The following TRIM11 variants were observed in gnomAD, a reference collection of about 807,000 sequenced individuals.
TRIM11 encodes E3 ubiquitin-protein ligase TRIM11.
In TRIM11, 15 loss-of-function variants were observed where a neutral mutation model predicts 33.4. That is an observed-to-expected ratio of 0.45 (90% CI 0.30 to 0.69). The LOEUF is 0.69. Ranked by LOEUF, TRIM11 falls within the 30% of genes least tolerant of loss-of-function variation. TRIM11 has a pLI of 0.08. For missense variants in TRIM11, 499 were observed against 667.6 expected (o/e 0.75, Z 2.78); for synonymous variants, 281 against 302.6 (o/e 0.93, Z 0.74).
In TRIM11 at chr1:228,396,573, G is replaced by T; in HGVS notation, c.859+374C>A. On this transcript the variant is annotated intron_variant, in intron 5 of 5. Transcript: ENST00000284551. The stretch of plus-strand genomic sequence containing the variant: ...TGCTCACATCTGCAGAGGCGCTGAG[G>T]GAACAGAAGTATGGGCAGCCCCTGG... 4.6e-6 allele frequency: 3 copies of T among 649,336 alleles called. No homozygotes were observed. The South Asian group carries it at 5.3e-5, about 12-fold the overall frequency. 40.2% of individuals were successfully genotyped at this position (649,336 alleles called of 1,614,324 possible).
Position 228,401,183 on chromosome 1 carries a change from C to G in TRIM11, c.516G>C (p.Glu172Asp). ...CACCCAGCACGTTCTGCCGCTGGCTCTCCACCATCTTCTGTGGAGCCCAGG... is the reference window on the plus strand; with the variant it reads ...CACCCAGCACGTTCTGCCGCTGGCTGTCCACCATCTTCTGTGGAGCCCAGG... ...ETCVLWQKMV[E>D]SQRQNVLGEF... Residue 172 changes from glutamate (E) to aspartate (D), a missense_variant, in exon 3 of 6, where the codon GAG (glutamate) becomes GAC (aspartate). Glu to Asp is a conservative substitution (Grantham distance 45). Coordinates refer to ENST00000284551, the MANE Select transcript of TRIM11 (RefSeq NM_145214.3). The surrounding 1 kb of genome is among the most constrained non-coding windows in gnomAD (Gnocchi z 6.1). 6.2e-7 allele frequency: 1 copy of G among 1,613,004 alleles called. No individual in the cohort carries two copies. The highest frequency in any genetic ancestry group is 8.5e-7 in the Non-Finnish European group (1 of 1,179,650).
rs774112344 is a variant in TRIM11, at chr1:228,395,206, C to T, written c.906G>A (p.Leu302=). 2.7e-6 allele frequency: 4 copies of T among 1,495,288 alleles called. No individual in the cohort carries two copies. The highest frequency in any genetic ancestry group is 2.4e-5 in the Admixed American group (1 of 42,078). The allele number at this position is 1,495,288 out of a possible 1,614,324, so 92.6% of individuals were successfully genotyped here. Reference sequence around the variant, plus strand: ...GCTGCACGCTCCGCCTGTCTTCAGACAGGATCAGCTCAGGGTTGGCGGTGT... The same window carrying T: ...GCTGCACGCTCCGCCTGTCTTCAGATAGGATCAGCTCAGGGTTGGCGGTGT... ...DPDTANPELI[L]SEDRRSVQRG... is the part of the protein sequence containing the mutation. The change falls in exon 6 of 6, where the codon CTG becomes CTA. Residue 302 remains leucine (L), a synonymous_variant. Coordinates refer to ENST00000284551, the MANE Select transcript of TRIM11 (RefSeq NM_145214.3). The surrounding 1 kb of genome is among the most constrained non-coding windows in gnomAD (Gnocchi z 4.8).
rs200637450 is a variant in TRIM11, at chr1:228,395,077, C to T, written c.1035G>A (p.Glu345=). ...ERFTSGRHYW[E]VEVGDRTSWA... ...AGCTGGTGCGGTCCCCAACCTCCAC[C>T]TCCCAGTAGTGGCGGCCTGAGGTGA... The change falls in exon 6 of 6, where the codon GAG becomes GAA. Residue 345 remains glutamate, a synonymous_variant. Transcript: ENST00000284551. The surrounding 1 kb of genome is among the most constrained non-coding windows in gnomAD (Gnocchi z 4.8). 1.9e-4 allele frequency: 306 copies of T among 1,607,974 alleles called. No individual in the cohort carries two copies. The East Asian group carries it at 6.1e-3, about 32-fold the overall frequency.
chr1:228,396,841 A>T lies in TRIM11; in HGVS notation c.859+106T>A, dbSNP rs1314847852. 4 of 1,015,010 alleles carry T rather than the reference A, an allele frequency of 3.9e-6. No individual in the cohort carries two copies. The East Asian group carries it at 7.2e-5, about 18-fold the overall frequency. The allele number at this position is 1,015,010 out of a possible 1,614,324, so 62.9% of individuals were successfully genotyped here. ...AACAACCCACCACCATGACACTGTGAGTTTGGAGCTGGCAGTGGCAGGGCA... is the reference window on the plus strand; with the variant it reads ...AACAACCCACCACCATGACACTGTGTGTTTGGAGCTGGCAGTGGCAGGGCA... On this transcript the variant is annotated intron_variant, in intron 5 of 5. Coordinates refer to ENST00000284551, the MANE Select transcript of TRIM11 (RefSeq NM_145214.3).
In TRIM11 at chr1:228,394,903, G is replaced by A. The variant is rs756861890; in HGVS notation, c.1209C>T (p.Arg403=). Reference sequence around the variant, plus strand: ...CCTCGTAGTCCAGAAAGATCCCCACGCGCCTGGGTGGGTCCCGGAGTGGAG... The same window carrying A: ...CCTCGTAGTCCAGAAAGATCCCCACACGCCTGGGTGGGTCCCGGAGTGGAG... ...ALAPLRDPPR[R]VGIFLDYEAG... is the part of the protein sequence containing the mutation. The change falls in exon 6 of 6, where the codon CGC becomes CGT. Residue 403 remains arginine (R), a synonymous_variant. Transcript: ENST00000284551. The surrounding 1 kb of genome is among the most constrained non-coding windows in gnomAD (Gnocchi z 6.2). The A allele has an allele frequency of 7.4e-6, 12 of 1,614,170 alleles. No individual in the cohort carries two copies. The highest frequency in any genetic ancestry group is 1.0e-5 in the Non-Finnish European group (12 of 1,180,032).
Position 228,403,099 on chromosome 1 carries a change from A to G in TRIM11, c.409-938T>C, listed in dbSNP as rs953633949. The G allele has an allele frequency of 3.3e-5, 5 of 152,254 alleles. No homozygotes were observed. The highest frequency in any genetic ancestry group is 7.3e-5 in the Non-Finnish European group (5 of 68,082). The allele number at this position is 152,254 out of a possible 1,614,324, so 9.4% of individuals were successfully genotyped here. On this transcript the variant is annotated intron_variant, in intron 1 of 5. Coordinates refer to ENST00000284551, the MANE Select transcript of TRIM11 (RefSeq NM_145214.3). The surrounding 1 kb of genome is among the most constrained non-coding windows in gnomAD (Gnocchi z 4.8). ...ATTCCCACGGTTCCTCATGCTGTGC[A>G]TACCAGGAAGCAGTGAAAATCCTGT...
At chr1:228,397,293 C>T in intron 3 of TRIM11, 128 bp from the exon 4 acceptor site, 1 of 1,154,654 alleles carries the variant, frequency 8.7e-7, no homozygotes, top group Non-Finnish European at 1.2e-6. Context: ...AGCAAAAACA[C>T]ACACAGGGGG....
At chr1:228,397,343 T>A in intron 3 of TRIM11, 178 bp from the exon 4 acceptor site, 1 of 689,372 alleles carries the variant, frequency 1.5e-6, no homozygotes, top group Non-Finnish European at 2.5e-6. Flanking sequence ...ACAGGAATGC[T>A]GGACAGAGGC....
intron 1 of TRIM11, chr1:228,405,174 A>T (rs537231933): frequency 2.0e-5 from 3 of 152,270 alleles, no homozygotes; most frequent in Non-Finnish European, 4.4e-5. Flanking sequence ...AACCCAAATG[A>T]ATCTGTGTCT....
rs1656210452 is a variant in TRIM11, at chr1:228,401,224, G to A, written c.505-30C>T. On this transcript the variant is annotated intron_variant, in intron 2 of 5. Transcript: ENST00000284551. This position sits in a 1 kb window ranked among gnomAD's most constrained non-coding sequence, Gnocchi z 6.1. ...GGAGCCCAGGGAGAAGGACAGCTGAGGCCAGACCCCAGGCCCAGCCAGACC... is the reference window on the plus strand; with the variant it reads ...GGAGCCCAGGGAGAAGGACAGCTGAAGCCAGACCCCAGGCCCAGCCAGACC... 3 of 1,602,194 alleles carry A rather than the reference G, an allele frequency of 1.9e-6. No homozygotes were observed. Among genetic ancestry groups the A allele is most frequent in the East Asian group, 2.2e-5 (1 of 44,676 alleles).
In TRIM11 at chr1:228,401,271, GCCCACCCAGAGGCCTGGCTGCACCCAAC is replaced by G; in HGVS notation, c.505-105_505-78del. 11 of 1,523,044 alleles carry G rather than the reference GCCCACCCAGAGGCCTGGCTGCACCCAAC, an allele frequency of 7.2e-6. No individual in the cohort carries two copies. The South Asian group carries it at 1.3e-4, about 18-fold the overall frequency. 94.3% of individuals were successfully genotyped at this position (1,523,044 alleles called of 1,614,324 possible). On this transcript the variant is annotated intron_variant, in intron 2 of 5. Transcript: ENST00000284551. The surrounding 1 kb of genome is among the most constrained non-coding windows in gnomAD (Gnocchi z 6.1). ...GACCCCAAGTTTGGTCAGACCCCAA[GCCCACCCAGAGGCCTGGCTGCACCCAAC>G]CCCACCCCCGGGGCCTGCTAAAGCC...
Position 228,400,919 on chromosome 1 carries a change from G to T in TRIM11, c.735+45C>A, listed in dbSNP as rs1337976301. ...GGTTCTCCCTCCCCCAGTGTGGCCA[G>T]GCCATGCCCGTGTGGCCACCATGGC... On this transcript the variant is annotated intron_variant, in intron 3 of 5. Coordinates refer to ENST00000284551, the MANE Select transcript of TRIM11 (RefSeq NM_145214.3). The surrounding 1 kb of genome is among the most constrained non-coding windows in gnomAD (Gnocchi z 4.5). 20 of 1,488,996 alleles carry T rather than the reference G, an allele frequency of 1.3e-5. No individual in the cohort carries two copies. Among genetic ancestry groups the T allele is most frequent in the Non-Finnish European group, 1.7e-5 (19 of 1,121,882 alleles). The allele number at this position is 1,488,996 out of a possible 1,614,324, so 92.2% of individuals were successfully genotyped here. A position where few individuals can be genotyped will look rare whatever the true frequency, so the allele number is the denominator to read the frequency against.
chr1:228,406,111 C>T lies in TRIM11; in HGVS notation c.408+43G>A, dbSNP rs1558449799. ...CACCCGCCCAGGCCTCCCCAGTCCC[C>T]GGCTCCCCGACGCCCCTGCACGCCA... On this transcript the variant is annotated intron_variant, in intron 1 of 5. Coordinates refer to ENST00000284551, the MANE Select transcript of TRIM11 (RefSeq NM_145214.3). This position sits in a 1 kb window ranked among gnomAD's most constrained non-coding sequence, Gnocchi z 8.2. 5.2e-6 allele frequency: 7 copies of T among 1,342,704 alleles called. No homozygotes were observed. The highest frequency in any genetic ancestry group is 6.2e-5 in the East Asian group (2 of 32,426). 83.2% of individuals were successfully genotyped at this position (1,342,704 alleles called of 1,614,324 possible).
At chr1:228,399,793 G>T (rs1379525998) in intron 3 of TRIM11, among the ~76,000 whole-genome samples, 2 of 149,322 alleles carry the variant, frequency 1.3e-5, no homozygotes, top group African/African-American at 2.5e-5. Context: ...TGCAGACTTG[G>T]AGGTGGGGGA....
intron 5 of TRIM11, chr1:228,396,717 T>C: frequency 2.8e-6 from 2 of 718,010 alleles, no homozygotes; most frequent in South Asian, 3.0e-5. Flanking sequence ...CTGAATGGAA[T>C]CCTTGGATAC....
intron 1 of TRIM11, 52 bp from the exon 2 acceptor site, chr1:228,402,213 C>G: frequency 6.8e-7 from 1 of 1,475,348 alleles, no homozygotes; most frequent in Non-Finnish European, 9.3e-7. Flanking sequence ...TCACAGAAGC[C>G]TGCCCTTTTG....
In TRIM11 at chr1:228,401,118, T is replaced by C. The variant is rs750278315; in HGVS notation, c.581A>G (p.Gln194Arg). The C allele has an allele frequency of 5.0e-6, 8 of 1,613,476 alleles. No individual in the cohort carries two copies. The Admixed American group carries it at 5.0e-5, about 10-fold the overall frequency. Residue 194 changes from glutamine to arginine, a missense_variant, in exon 3 of 6, where the codon CAG (glutamine) becomes CGG (arginine). Gln to Arg is a conservative substitution (Grantham distance 43). Transcript: ENST00000284551. This position sits in a 1 kb window ranked among gnomAD's most constrained non-coding sequence, Gnocchi z 6.1. ...CTCCTCCAGCCTCTGCAGCAGCTGC[T>C]GCTCCTCCTCTGCCAGCAAACGGCG... ...RLRRLLAEEE[Q>R]QLLQRLEEEE...
intron 5 of TRIM11, 119 bp downstream of exon 5, chr1:228,396,828 C>T (rs1420685672): frequency 3.4e-5 from 32 of 935,038 alleles, no homozygotes; most frequent in Non-Finnish European, 5.5e-5. Flanking sequence ...CAACCCACCA[C>T]CATGACACTG....
rs758037305 is a variant in TRIM11 at position 228,406,591 on chromosome 1, T to C, written c.-30A>G. On this transcript the variant is annotated 5_prime_UTR_variant, in exon 1 of 6. Transcript: ENST00000284551. The surrounding 1 kb of genome is among the most constrained non-coding windows in gnomAD (Gnocchi z 8.2). ...CGGACAGAGGGGAGGAAGGCGGTAC[T>C]GTCCGCGGGGCGGCGGCGGGCGGCC... The C allele has an allele frequency of 5.8e-5, 82 of 1,422,540 alleles. 1 individual carries two copies. Among genetic ancestry groups the C allele is most frequent in the Non-Finnish European group, 6.9e-5 (75 of 1,086,954 alleles). 88.1% of individuals were successfully genotyped at this position (1,422,540 alleles called of 1,614,324 possible). A position where few individuals can be genotyped will look rare whatever the true frequency, so the allele number is the denominator to read the frequency against.
Sources: allele counts gnomAD v4.1 joint callset (sites outside exome capture counted in the v4.1 genomes callset), GRCh38; gene constraint gnomAD v4.1.1; non-coding constraint Gnocchi (gnomAD v3.1); transcripts MANE v1.5; gene names NCBI Gene and HGNC (gene_info 2026-07-23, HGNC 2026-07-21).